The following CHSY3 variants were observed in gnomAD, a reference collection of about 807,000 sequenced individuals.
The protein encoded by CHSY3 is N-acetylgalactosaminyl-proteoglycan 3-beta-glucuronosyltransferase 3.
Under a neutral mutation model 67.2 loss-of-function variants are expected in CHSY3, and 35 were observed. The observed-to-expected ratio is 0.52, with a 90% confidence interval of 0.40 to 0.69. The LOEUF is 0.69. Among genes scored for constraint, CHSY3 ranks in the 30% least tolerant of loss-of-function variants. The probability of loss-of-function intolerance (pLI) is 0.00; values close to 1 mark genes in which losing one functional copy is unlikely to be tolerated. For missense variants in CHSY3, 1,069 were observed against 1,138.5 expected, an observed-to-expected ratio of 0.94 and a Z score of 0.88; for synonymous variants, 474 against 434.7, an observed-to-expected ratio of 1.09 and a Z score of -1.12.
chr5:130,122,549 T>A (rs1349529678), intron 2 of CHSY3, among the ~76,000 whole-genome samples: 1 of 152,204 alleles, frequency 6.6e-6, no homozygotes, highest in Non-Finnish European at 1.5e-5. Flanking sequence ...AACACCGTCT[T>A]GAAGAAAGTG....
At chr5:130,104,842 AT>A (rs1344347223) in intron 2 of CHSY3, among the ~76,000 whole-genome samples, 1 of 151,882 alleles carries the variant, frequency 6.6e-6, no homozygotes, top group African/African-American at 2.4e-5. Context: ...CATGCAGTTT[AT>A]ATGACTAATT....
At chr5:130,047,856 A>T in intron 2 of CHSY3, among the ~76,000 whole-genome samples, 1 of 151,876 alleles carries the variant, frequency 6.6e-6, no homozygotes, top group East Asian at 1.9e-4. Flanking sequence ...TTCAAATTTT[A>T]ATATAACATT....
At chr5:130,038,182 G>C (rs148453267) in intron 2 of CHSY3, among the ~76,000 whole-genome samples, 1 of 152,152 alleles carries the variant, frequency 6.6e-6, no homozygotes, top group Non-Finnish European at 1.5e-5. Context: ...CCTCTGGCTA[G>C]GAAAAGGGCA....
chr5:129,924,191 C>G (rs913112011), intron 2 of CHSY3, among the ~76,000 whole-genome samples: 1 of 151,996 alleles, frequency 6.6e-6, no homozygotes, highest in African/African-American at 2.4e-5. Flanking sequence ...CTCTATCTTC[C>G]TAGAGAGCTT....
intron 2 of CHSY3, among the ~76,000 whole-genome samples, chr5:129,938,165 T>C (rs975782570): frequency 9.2e-5 from 14 of 152,178 alleles, no homozygotes; most frequent in African/African-American, 3.1e-4. Context: ...GCCCAAGCTG[T>C]ACGTTGGTCC....
intron 2 of CHSY3, among the ~76,000 whole-genome samples, chr5:129,912,282 G>T (rs561374030): frequency 1.3e-5 from 2 of 152,208 alleles, no homozygotes; most frequent in African/African-American, 4.8e-5. Flanking sequence ...TTACAGTATA[G>T]ATTTCTAAAT....
At chr5:129,981,757 T>C (rs1047560051) in intron 2 of CHSY3, among the ~76,000 whole-genome samples, 1 of 152,058 alleles carries the variant, frequency 6.6e-6, no homozygotes, top group Non-Finnish European at 1.5e-5. Flanking sequence ...AGCAATGGAG[T>C]GAGGGGATAT....
chr5:130,146,715 A>T (rs1475989014), intron 2 of CHSY3, among the ~76,000 whole-genome samples: 1 of 152,194 alleles, frequency 6.6e-6, no homozygotes, highest in Non-Finnish European at 1.5e-5. Context: ...TGAAACATCA[A>T]ATTGTACCCC....
chr5:129,921,975 C>T (rs760026722), intron 2 of CHSY3, among the ~76,000 whole-genome samples: 2 of 152,054 alleles, frequency 1.3e-5, no homozygotes, highest in Admixed American at 6.6e-5. Context: ...ACCCATTAAC[C>T]ATTCCCACTT....
intron 2 of CHSY3, among the ~76,000 whole-genome samples, chr5:130,180,579 CA>C (rs1418136410): frequency 6.6e-6 from 1 of 152,052 alleles, no homozygotes; most frequent in African/African-American, 2.4e-5. Flanking sequence ...TAAGACTGGG[CA>C]CGGTGCCTTA....
At chr5:130,029,743 A>T (rs1402144178) in intron 2 of CHSY3, among the ~76,000 whole-genome samples, 1 of 152,106 alleles carries the variant, frequency 6.6e-6, no homozygotes, top group African/African-American at 2.4e-5. Flanking sequence ...CTTCAGTAAC[A>T]TAATCTCTTG....
chr5:129,933,729 T>A (rs996725485), intron 2 of CHSY3, among the ~76,000 whole-genome samples: 2 of 152,144 alleles, frequency 1.3e-5, no homozygotes, highest in Non-Finnish European at 2.9e-5. Flanking sequence ...AACCCTACAC[T>A]CATTTAACAT....
intron 2 of CHSY3, among the ~76,000 whole-genome samples, chr5:129,952,658 G>A (rs376693870): frequency 3.3e-5 from 5 of 152,074 alleles, no homozygotes; most frequent in Admixed American, 2.0e-4. Context: ...CAGAGAGTGC[G>A]TTTTATTTCT....
At chr5:130,088,765 T>G (rs1408568991) in intron 2 of CHSY3, among the ~76,000 whole-genome samples, 1 of 152,138 alleles carries the variant, frequency 6.6e-6, no homozygotes, top group Admixed American at 6.6e-5. Flanking sequence ...CACTTTTACA[T>G]TGTTGGTGGG....
At chr5:130,092,139 T>G (rs1048725563) in intron 2 of CHSY3, among the ~76,000 whole-genome samples, 1 of 152,166 alleles carries the variant, frequency 6.6e-6, no homozygotes, top group Non-Finnish European at 1.5e-5. Context: ...GACCCCACTA[T>G]GCACTGCAGC....
intron 2 of CHSY3, among the ~76,000 whole-genome samples, chr5:129,936,157 T>A (rs1026991630): frequency 5.9e-5 from 9 of 152,202 alleles, no homozygotes; most frequent in Non-Finnish European, 1.3e-4. Context: ...AAATAACACT[T>A]CTAAATCAAA....
intron 2 of CHSY3, among the ~76,000 whole-genome samples, chr5:129,956,293 T>G (rs1435399068): frequency 2.6e-5 from 4 of 152,206 alleles, no homozygotes; most frequent in Non-Finnish European, 5.9e-5. Context: ...GATTTTCATT[T>G]CTCTAACAAT....
At chr5:130,171,860 A>T (rs2149733017) in intron 2 of CHSY3, among the ~76,000 whole-genome samples, 1 of 152,330 alleles carries the variant, frequency 6.6e-6, no homozygotes, top group East Asian at 1.9e-4. Context: ...AACTTCACTT[A>T]TCAGGTTGTT....
At chr5:130,114,595 T>A (rs1422741336) in intron 2 of CHSY3, 1 of 152,138 alleles carries the variant, frequency 6.6e-6, no homozygotes, top group Non-Finnish European at 1.5e-5. Context: ...ATATGTAAAG[T>A]TCTTAGAACA....
Sources: allele counts gnomAD v4.1 joint callset (sites outside exome capture counted in the v4.1 genomes callset), GRCh38; gene constraint gnomAD v4.1.1; transcripts MANE v1.5; gene names NCBI Gene and HGNC (gene_info 2026-07-23, HGNC 2026-07-21).